Variants in CACNA1S observed in about 807,000 individuals in gnomAD.
CACNA1S encodes the protein voltage-dependent L-type calcium channel subunit alpha-1S.
A neutral mutation model predicts 207.4 loss-of-function variants in CACNA1S; 126 were observed. That is an observed-to-expected ratio of 0.61 (90% confidence interval 0.53 to 0.70). The LOEUF (loss-of-function observed/expected upper bound fraction) is 0.70. Ranked by LOEUF, CACNA1S falls within the 30% of genes least tolerant of loss-of-function variation. The pLI is 0.00. For missense variants in CACNA1S, 2,349 were observed against 2,422.8 expected, an observed-to-expected ratio of 0.97 and a Z score of 0.64; for synonymous variants, 960 against 932.7, an observed-to-expected ratio of 1.03 and a Z score of -0.53.
At chr1:201,087,746 C>A in intron 7 of CACNA1S, 80 bp downstream of exon 7, 1 of 930,126 alleles carries the variant, frequency 1.1e-6, no homozygotes, top group Non-Finnish European at 1.7e-6. Context: ...GTTTCTTTTC[C>A]CTCCGTTCCT....
chr1:201,088,896 G>T (rs1318394022), intron 6 of CACNA1S, among the ~76,000 whole-genome samples: 1 of 152,204 alleles, frequency 6.6e-6, no homozygotes, highest in Non-Finnish European at 1.5e-5. Context: ...AAGCAGTCTT[G>T]CAGAGGCAAG....
chr1:201,112,119 T>C, intron 1 of CACNA1S, 69 bp downstream of exon 1: 1 of 1,514,096 alleles, frequency 6.6e-7, no homozygotes, highest in South Asian at 1.2e-5. Context: ...AAGTTTGTGC[T>C]CTGTGATCAC....
chr1:201,092,202 T>G (rs1480867542), intron 3 of CACNA1S, 88 bp from the exon 4 acceptor site: 7 of 1,485,506 alleles, frequency 4.7e-6, no homozygotes, highest in Non-Finnish European at 6.6e-6. Context: ...TGTCCATGCT[T>G]GAGCACCTGT....
chr1:201,084,514 G>A (rs943822535), intron 9 of CACNA1S, among the ~76,000 whole-genome samples: 9 of 152,204 alleles, frequency 5.9e-5, no homozygotes, highest in Admixed American at 2.0e-4. Flanking sequence ...TTAAGACAAT[G>A]GCGAGAGAGC....
chr1:201,044,286 A>C, intron 39 of CACNA1S, 42 bp downstream of exon 39: 2 of 1,610,602 alleles, frequency 1.2e-6, no homozygotes, highest in Non-Finnish European at 1.7e-6. Flanking sequence ...ACTGCCACTC[A>C]TGGTGTCTAG....
rs1663160837 is a variant in CACNA1S, at chr1:201,112,370, T to TC, written c.-32dup. On this transcript the variant is annotated 5_prime_UTR_variant, in exon 1 of 44. Coordinates refer to ENST00000362061, the MANE Select transcript of CACNA1S (RefSeq NM_000069.3). ...CCCTGGGAATCTGGCTTTCTCCTGC[T>TC]CCCCCACCCCAGTGCTTTCCCTTCC... 1 of 1,613,172 alleles carries TC rather than the reference T, an allele frequency of 6.2e-7. No individual in the cohort carries two copies. Among genetic ancestry groups the TC allele is most frequent in the Non-Finnish European group, 8.5e-7 (1 of 1,179,846 alleles).
chr1:201,094,426 C>T (rs1387952803), intron 2 of CACNA1S, among the ~76,000 whole-genome samples: 1 of 151,796 alleles, frequency 6.6e-6, no homozygotes, highest in Non-Finnish European at 1.5e-5. Context: ...CTCCATGAAG[C>T]ATGGGGATTT....
At chr1:201,050,941 T>G in intron 33 of CACNA1S, 43 bp downstream of exon 33, 2 of 1,607,862 alleles carry the variant, frequency 1.2e-6, no homozygotes, top group Non-Finnish European at 1.7e-6. Context: ...TGCCTCAGCT[T>G]ATCAAAGCCC....
intron 40 of CACNA1S, 130 bp downstream of exon 40, chr1:201,043,151 G>T: frequency 8.2e-7 from 1 of 1,213,618 alleles, no homozygotes; most frequent in Non-Finnish European, 1.2e-6. Flanking sequence ...GGTTCAGGAT[G>T]GATTGGGGCA....
intron 1 of CACNA1S, 28 bp downstream of exon 1, chr1:201,112,160 C>T (rs201418418): frequency 1.3e-5 from 21 of 1,606,092 alleles, no homozygotes; most frequent in African/African-American, 4.0e-5. Context: ...CGCACACCCC[C>T]CCCCACGGCC....
At chr1:201,056,994 C>A (rs547361272) in intron 28 of CACNA1S, among the ~76,000 whole-genome samples, 37 of 152,336 alleles carry the variant, frequency 2.4e-4, no homozygotes, top group Non-Finnish European at 4.4e-4. Flanking sequence ...ACTGCGGGAA[C>A]CCCCTGACTG....
chr1:201,060,590 C>T (rs1661008106), intron 26 of CACNA1S, 68 bp downstream of exon 26: 3 of 1,562,004 alleles, frequency 1.9e-6, no homozygotes, highest in Admixed American at 3.3e-5. Flanking sequence ...TCCTGCCCTA[C>T]TCATCCTGCC....
intron 43 of CACNA1S, 46 bp downstream of exon 43, chr1:201,040,185 G>T (rs1337486662): frequency 7.4e-6 from 12 of 1,612,272 alleles, no homozygotes; most frequent in Non-Finnish European, 9.3e-6. Context: ...CCATCACAGG[G>T]CCACCACTCA....
In CACNA1S at chr1:201,041,548, G is replaced by A. The variant is rs1364361352; in HGVS notation, c.5090C>T (p.Pro1697Leu). ...EREFPEETETPATRGRALGQP... is the reference protein window; with the variant it reads ...EREFPEETETLATRGRALGQP... The stretch of plus-strand genomic sequence containing the variant: ...GCCAAGGGCTCGTCCTCTGGTAGCA[G>A]GCGTCTCTGTCTCTTCTGGGAACTC... Residue 1697 changes from proline to leucine, a missense_variant, in exon 41 of 44, where the codon CCT (proline) becomes CTT (leucine). Coordinates refer to ENST00000362061, the MANE Select transcript of CACNA1S (RefSeq NM_000069.3). 1 of 1,614,206 alleles carries A rather than the reference G, an allele frequency of 6.2e-7. No homozygotes were observed. Among genetic ancestry groups the A allele is most frequent in the East Asian group, 2.2e-5 (1 of 44,882 alleles).
intron 38 of CACNA1S, among the ~76,000 whole-genome samples, chr1:201,045,134 A>G (rs1024723283): frequency 6.6e-6 from 1 of 152,242 alleles, no homozygotes; most frequent in Non-Finnish European, 1.5e-5. Flanking sequence ...ATCACCAGTA[A>G]TGGGACAAGT....
In CACNA1S at chr1:201,065,924, C is replaced by T. The variant is rs571902899; in HGVS notation, c.2767G>A (p.Val923Met). 2.1e-5 allele frequency: 34 copies of T among 1,613,306 alleles called. 1 individual carries two copies. Among genetic ancestry groups the T allele is most frequent in the Middle Eastern group, 1.7e-4 (1 of 6,060 alleles). ...GLKHVVQCMF[V>M]AISTIGNIVL... ...ATGTTCCCGATGGTGCTGATGGCCACGAACATGCACTGCACCACGTGCTGG... is the reference window on the plus strand; with the variant it reads ...ATGTTCCCGATGGTGCTGATGGCCATGAACATGCACTGCACCACGTGCTGG... The change falls in exon 22 of 44, where the codon GTG becomes ATG. Residue 923 changes from valine (V) to methionine (M), a missense_variant. Val to Met is a conservative substitution (Grantham distance 21). Transcript: ENST00000362061.
At chr1:201,106,386 C>T (rs922840084) in intron 2 of CACNA1S, among the ~76,000 whole-genome samples, 1 of 151,926 alleles carries the variant, frequency 6.6e-6, no homozygotes, top group African/African-American at 2.4e-5. Context: ...CTAAATCCCC[C>T]CCTGACCTCT....
At chr1:201,045,559 AC>A (rs947737391) in intron 38 of CACNA1S, among the ~76,000 whole-genome samples, 1 of 151,738 alleles carries the variant, frequency 6.6e-6, no homozygotes, top group African/African-American at 2.4e-5. Context: ...GCATAGCGAA[AC>A]CCCATCTCTA....
chr1:201,062,505 A>G lies in CACNA1S; in HGVS notation c.2863T>C (p.Phe955Leu). Residue 955 changes from phenylalanine to leucine, a missense_variant, in exon 23 of 44, where the codon TTC becomes CTC. Physicochemically the swap from Phe to Leu is conservative, Grantham distance 22. Coordinates refer to ENST00000362061, the MANE Select transcript of CACNA1S (RefSeq NM_000069.3). ...IGVQLFKGKF[F>L]RCTDLSKMTE... ...ATCTTGGACAAGTCGGTGCACCTGA[A>G]GAACTTCCCCTGCAGCCAGGAAGAG... 1 of 1,590,516 alleles carries G rather than the reference A, an allele frequency of 6.3e-7. No individual in the cohort carries two copies. Among genetic ancestry groups the G allele is most frequent in the Non-Finnish European group, 8.6e-7 (1 of 1,161,988 alleles).
Sources: allele counts gnomAD v4.1 joint callset (sites outside exome capture counted in the v4.1 genomes callset), GRCh38; gene constraint gnomAD v4.1.1; transcripts MANE v1.5; gene names NCBI Gene and HGNC (gene_info 2026-07-23, HGNC 2026-07-21).